NCOA3: variants seen among roughly 807,000 people sequenced by gnomAD.
NCOA3 encodes the protein CBP-interacting protein.
In NCOA3, 51 loss-of-function variants were observed where a neutral mutation model predicts 158.8. The observed-to-expected ratio is 0.32, with a 90% CI of 0.26 to 0.41. The LOEUF is 0.41. Ranked by LOEUF, NCOA3 falls within the 10% of genes least tolerant of loss-of-function variation. The pLI is 1.00. For synonymous variants in NCOA3, 537 were observed against 592.4 expected, an observed-to-expected ratio of 0.91 and a Z score of 1.36; for missense variants, 1,510 against 1,746.6, an observed-to-expected ratio of 0.86 and a Z score of 2.41.
chr20:47,561,709 A>G (rs569156907), intron 1 of NCOA3, among the ~76,000 whole-genome samples: 52 of 152,232 alleles, frequency 3.4e-4, no homozygotes, highest in African/African-American at 1.3e-3. Context: ...TTCCTCCATT[A>G]TCAGCAACTC....
Position 47,656,757 on chromosome 20 carries a change from AT to A in NCOA3, c.*3342del, listed in dbSNP as rs1419167146. The A allele has an allele frequency of 3.9e-5, 6 of 152,518 alleles. No homozygotes were observed. The highest frequency in any genetic ancestry group is 8.8e-5 in the Non-Finnish European group (6 of 68,010). The allele number at this position is 152,518 out of a possible 1,614,324, so 9.4% of individuals were successfully genotyped here. ...TATGTTGCTTAAAAAAATAGAAATT[AT>A]TCTTTATCTTGCAAAGAATTGAAAC... On this transcript the variant is annotated 3_prime_UTR_variant, in exon 23 of 23. Coordinates refer to ENST00000371998, the MANE Select transcript of NCOA3 (RefSeq NM_181659.3).
chr20:47,648,781 C>A (rs2086732167), intron 18 of NCOA3, among the ~76,000 whole-genome samples: 1 of 152,074 alleles, frequency 6.6e-6, no homozygotes, highest in Non-Finnish European at 1.5e-5. Flanking sequence ...TTGCACTTTA[C>A]TTTTTTTTCC....
At chr20:47,644,247 C>T (rs377139921) in intron 17 of NCOA3, among the ~76,000 whole-genome samples, 1 of 151,944 alleles carries the variant, frequency 6.6e-6, no homozygotes, top group African/African-American at 2.4e-5. Flanking sequence ...TCAAGCCATT[C>T]TCCTGCCTCA....
intron 1 of NCOA3, among the ~76,000 whole-genome samples, chr20:47,524,110 G>A (rs556971369): frequency 7.9e-5 from 12 of 152,302 alleles, no homozygotes; most frequent in South Asian, 4.1e-4. Flanking sequence ...ATTTGTCTAC[G>A]GAAGACATTT....
At chr20:47,640,454 C>G (rs1244525009) in intron 16 of NCOA3, among the ~76,000 whole-genome samples, 1 of 152,124 alleles carries the variant, frequency 6.6e-6, no homozygotes, top group Non-Finnish European at 1.5e-5. Flanking sequence ...AAAAACTTTT[C>G]TTTTCCCCCA....
chr20:47,549,613 T>C (rs2084898202), intron 1 of NCOA3, among the ~76,000 whole-genome samples: 1 of 151,440 alleles, frequency 6.6e-6, no homozygotes, highest in African/African-American at 2.4e-5. Context: ...TTGGTGGTGG[T>C]TGGATCTAGA....
intron 1 of NCOA3, among the ~76,000 whole-genome samples, chr20:47,555,203 C>A (rs374356155): frequency 6.6e-6 from 1 of 152,108 alleles, no homozygotes; most frequent in African/African-American, 2.4e-5. Context: ...TGCCAGCTAA[C>A]GTTTGTTTCA....
chr20:47,644,200 C>A (rs1249195098), intron 17 of NCOA3, among the ~76,000 whole-genome samples: 1 of 151,148 alleles, frequency 6.6e-6, no homozygotes, highest in Non-Finnish European at 1.5e-5. Context: ...AGTGCAGTGG[C>A]GTGATCTTGG....
chr20:47,649,400 G>A (rs1021871874), intron 19 of NCOA3, among the ~76,000 whole-genome samples: 2 of 152,264 alleles, frequency 1.3e-5, no homozygotes, highest in African/African-American at 4.8e-5. Context: ...TCACTTGGCT[G>A]TTTAGGAATT....
chr20:47,631,759 C>A (rs2086421862), intron 8 of NCOA3, among the ~76,000 whole-genome samples: 1 of 152,164 alleles, frequency 6.6e-6, no homozygotes, highest in Admixed American at 6.5e-5. Context: ...AAACAACTTT[C>A]CTCATAGGCG....
At chr20:47,638,838 G>A (rs1313882988) in intron 13 of NCOA3, among the ~76,000 whole-genome samples, 170 bp from the exon 14 acceptor site, 1 of 145,584 alleles carries the variant, frequency 6.9e-6, no homozygotes, top group African/African-American at 2.6e-5. Flanking sequence ...GGGGCGGGGG[G>A]TGGCGGTGGT....
intron 2 of NCOA3, among the ~76,000 whole-genome samples, chr20:47,604,582 T>G (rs2085914152): frequency 6.6e-6 from 1 of 152,220 alleles, no homozygotes; most frequent in Non-Finnish European, 1.5e-5. Flanking sequence ...CTGTTTCTTT[T>G]TATCATTCGT....
chr20:47,544,404 G>A (rs1354567322), intron 1 of NCOA3, among the ~76,000 whole-genome samples: 2 of 145,292 alleles, frequency 1.4e-5, no homozygotes, highest in South Asian at 2.1e-4. Flanking sequence ...GTTCACTGCA[G>A]CCTCAACCTC....
intron 2 of NCOA3, among the ~76,000 whole-genome samples, chr20:47,609,714 G>A (rs1472496675): frequency 6.6e-6 from 1 of 150,486 alleles, no homozygotes; most frequent in Non-Finnish European, 1.5e-5. Context: ...GGGTGACAGG[G>A]CGAGACTCCG....
At chr20:47,641,608 C>T (rs933823663) in intron 16 of NCOA3, among the ~76,000 whole-genome samples, 13 of 147,706 alleles carry the variant, frequency 8.8e-5, no homozygotes, top group Non-Finnish European at 1.8e-4. Flanking sequence ...TCATGCCATT[C>T]CCGCCTCAGC....
Position 47,540,398 on chromosome 20 carries a change from A to AC in NCOA3, c.-99+38385dup, listed in dbSNP as rs761599954. ...AGACCAGCCTGGCTAACATAGTGAA[A>AC]CCCCCCTCTACTAAAAATACAAAAA... On this transcript the variant is annotated intron_variant, in intron 1 of 22. Coordinates refer to ENST00000371998, the MANE Select transcript of NCOA3 (RefSeq NM_181659.3). 9.2e-5 allele frequency among the ~76,000 whole-genome samples: 14 copies of AC among 151,880 alleles called. 1 individual carries two copies. In the East Asian group the frequency reaches 1.9e-3, roughly 21 times the overall value.
At chr20:47,548,683 A>G (rs969050166) in intron 1 of NCOA3, among the ~76,000 whole-genome samples, 5 of 152,224 alleles carry the variant, frequency 3.3e-5, no homozygotes, top group Non-Finnish European at 5.9e-5. Flanking sequence ...AAAAGTGTGC[A>G]TGTATATTAT....
At chr20:47,505,190 T>C (rs1257180367) in intron 1 of NCOA3, among the ~76,000 whole-genome samples, 1 of 150,520 alleles carries the variant, frequency 6.6e-6, no homozygotes, top group Non-Finnish European at 1.5e-5. Context: ...GCCTCCCAAG[T>C]AGCTGGGATT....
At chr20:47,612,082 C>T (rs1022680337) in intron 2 of NCOA3, among the ~76,000 whole-genome samples, 7 of 152,180 alleles carry the variant, frequency 4.6e-5, no homozygotes, top group Admixed American at 4.6e-4. Flanking sequence ...TCATCTTGGC[C>T]TCCCAAAGTG....
Sources: allele counts gnomAD v4.1 joint callset (sites outside exome capture counted in the v4.1 genomes callset), GRCh38; gene constraint gnomAD v4.1.1; transcripts MANE v1.5; gene names NCBI Gene and HGNC (gene_info 2026-07-23, HGNC 2026-07-21).